The following ANAPC1 variants were observed in gnomAD, a reference collection of about 807,000 sequenced individuals.
The protein encoded by ANAPC1 is anaphase promoting complex subunit 1.
In ANAPC1, 36 loss-of-function variants were observed where a neutral mutation model predicts 208.0. The observed-to-expected ratio is 0.17, with a 90% confidence interval of 0.13 to 0.23. ANAPC1 has a LOEUF of 0.23. Among genes scored for constraint, ANAPC1 ranks in the 10% least tolerant of loss-of-function variants. The probability of loss-of-function intolerance (pLI) is 1.00; values close to 1 mark genes in which losing one functional copy is unlikely to be tolerated. For missense variants in ANAPC1, 942 were observed against 2,011.6 expected (o/e 0.47, Z 10.17); for synonymous variants, 378 against 695.2 (o/e 0.54, Z 7.18).
intron 34 of ANAPC1, among the ~76,000 whole-genome samples, chr2:111,799,500 T>A (rs1290439441): frequency 6.6e-6 from 1 of 151,608 alleles, no homozygotes; most frequent in East Asian, 1.9e-4. Context: ...AATCCGAAAA[T>A]CCAAAATCCA....
intron 46 of ANAPC1, among the ~76,000 whole-genome samples, chr2:111,775,797 A>G (rs2104471806): frequency 6.6e-6 from 1 of 152,348 alleles, no homozygotes; most frequent in Admixed American, 6.5e-5. Flanking sequence ...TGTTAAATTG[A>G]ATAAAAACGA....
chr2:111,874,236 GT>G lies in ANAPC1; in HGVS notation c.376-573del, dbSNP rs754841383. Among the ~76,000 whole-genome samples the G allele has an allele frequency of 3.1e-3, 466 of 151,232 alleles. 1 individual carries two copies. Among genetic ancestry groups the G allele is most frequent in the African/African-American group, 0.011 (436 of 41,252 alleles). Reference sequence around the variant, plus strand: ...CACTTATTATTTAACAGCATTTTGTGTTTTTTTTTAAACTGTGGTCAAATAC... The same window carrying G: ...CACTTATTATTTAACAGCATTTTGTGTTTTTTTTAAACTGTGGTCAAATAC... On this transcript the variant is annotated intron_variant, in intron 3 of 47. Coordinates refer to ENST00000341068, the MANE Select transcript of ANAPC1 (RefSeq NM_022662.4).
intron 18 of ANAPC1, among the ~76,000 whole-genome samples, chr2:111,836,967 C>CA (rs35164122): frequency 0.6 from 81,379 of 135,060 alleles, 24,048 homozygotes; most frequent in Middle Eastern, 0.72. Context: ...GACTCCGTCT[C>CA]AAAAAAAAAA....
At chr2:111,777,096 G>C (rs1489403216) in intron 45 of ANAPC1, 39 bp from the exon 46 acceptor site, 1 of 480,900 alleles carries the variant, frequency 2.1e-6, no homozygotes, top group East Asian at 3.8e-5. Flanking sequence ...TTTAATCAAA[G>C]AGTGCTCTGT....
rs1275570328 is a variant in ANAPC1, at chr2:111,835,698, G to A, written c.2116-826C>T. Among the ~76,000 whole-genome samples the A allele has an allele frequency of 3.9e-5, 6 of 152,036 alleles. No individual in the cohort carries two copies. The East Asian group carries it at 7.7e-4, about 20-fold the overall frequency. On this transcript the variant is annotated intron_variant, in intron 18 of 47. Transcript: ENST00000341068. ...CTAAAAAAATACAAAAAAATTAGCC[G>A]GGTGTGGTGGCGGGCGCCTGTTAGT...
At chr2:111,787,514 G>T (rs2104512041) in intron 39 of ANAPC1, among the ~76,000 whole-genome samples, 1 of 152,172 alleles carries the variant, frequency 6.6e-6, no homozygotes, top group Admixed American at 6.5e-5. Flanking sequence ...ACAATAAAGG[G>T]CTCTTGACCT....
At chr2:111,843,058 T>C (rs1464437201) in intron 17 of ANAPC1, among the ~76,000 whole-genome samples, 1 of 152,200 alleles carries the variant, frequency 6.6e-6, no homozygotes, top group Non-Finnish European at 1.5e-5. Context: ...AGTCTAGTCA[T>C]AGTTGTTAAA....
At position 111,864,968 on chromosome 2, in the gene ANAPC1, A is replaced by G. The variant is rs1355087971; in HGVS notation, c.686-17T>C. 2 of 1,604,286 alleles carry G rather than the reference A, an allele frequency of 1.2e-6. No individual in the cohort carries two copies. Among genetic ancestry groups the G allele is most frequent in the African/African-American group, 2.7e-5 (2 of 74,382 alleles). ...CAAAAAGACCTTAAAAATAAAATAG[A>G]AAAATCAGGTATAGAACAATGGGCT... On this transcript the variant is annotated splice_polypyrimidine_tract_variant and intron_variant, in intron 7 of 47. Coordinates refer to ENST00000341068, the MANE Select transcript of ANAPC1 (RefSeq NM_022662.4).
chr2:111,823,578 TCAAA>T (rs1302516775), intron 24 of ANAPC1, among the ~76,000 whole-genome samples: 1 of 152,116 alleles, frequency 6.6e-6, no homozygotes, highest in African/African-American at 2.4e-5. Context: ...TATGATATGT[TCAAA>T]CAAAGTAATC....
In ANAPC1 at chr2:111,863,780, G is replaced by C. The variant is rs13028389; in HGVS notation, c.947C>G (p.Thr316Ser). 7 of 1,614,006 alleles carry C rather than the reference G, an allele frequency of 4.3e-6. No individual in the cohort carries two copies. The East Asian group carries it at 6.7e-5, about 15-fold the overall frequency. ...RSLSKGDSPV[T>S]SPFQNYSSIH... ...GGAGGAGTAATTCTGGAAAGGTGAA[G>C]TCACAGGGGAATCTCCTTTGGAGAG... The change falls in exon 9 of 48, where the codon ACT becomes AGT. Residue 316 changes from threonine (T) to serine (S), a missense_variant. Coordinates refer to ENST00000341068, the MANE Select transcript of ANAPC1 (RefSeq NM_022662.4).
At chr2:111,846,559 A>ATTTTTTTTTT (rs775041785) in intron 16 of ANAPC1, among the ~76,000 whole-genome samples, 2 of 46,266 alleles carry the variant, frequency 4.3e-5, no homozygotes, top group Non-Finnish European at 7.7e-5. Context: ...ATATATATAT[A>ATTTTTTTTTT]TTTTTTTTTT....
At chr2:111,873,745 A>G in intron 3 of ANAPC1, 81 bp from the exon 4 acceptor site, 1 of 1,431,926 alleles carries the variant, frequency 7.0e-7, no homozygotes, top group Non-Finnish European at 9.3e-7. Context: ...AAATAATAAT[A>G]ATAGCATCTA....
Position 111,878,857 on chromosome 2 carries a change from C to A in ANAPC1, c.328G>T (p.Ala110Ser). 1.9e-6 allele frequency: 3 copies of A among 1,607,826 alleles called. No individual in the cohort carries two copies. Among genetic ancestry groups the A allele is most frequent in the Non-Finnish European group, 2.5e-6 (3 of 1,177,894 alleles). The change falls in exon 3 of 48, where the codon GCA becomes TCA. Residue 110 changes from alanine (A) to serine (S), a missense_variant. Coordinates refer to ENST00000341068, the MANE Select transcript of ANAPC1 (RefSeq NM_022662.4). Reference protein sequence around the residue: ...VIWSKGSKSQALAVYKAFTVD... With the variant: ...VIWSKGSKSQSLAVYKAFTVD... Reference sequence around the variant, plus strand: ...GTAAATGCTTTATAAACTGCCAATGCCTGGCTTTTACTTCCTTTGCTCCAT... The same window carrying A: ...GTAAATGCTTTATAAACTGCCAATGACTGGCTTTTACTTCCTTTGCTCCAT...
intron 1 of ANAPC1, among the ~76,000 whole-genome samples, chr2:111,881,203 G>A (rs2104618070): frequency 6.6e-6 from 1 of 152,146 alleles, no homozygotes; most frequent in South Asian, 2.1e-4. Context: ...TAACTACATG[G>A]CTTTTCAACA....
At chr2:111,865,406 A>T in intron 7 of ANAPC1, among the ~76,000 whole-genome samples, 1 of 152,072 alleles carries the variant, frequency 6.6e-6, no homozygotes. Context: ...CTGCTTTACT[A>T]GTTACACATG....
At chr2:111,783,323 A>G (rs1677382092) in intron 42 of ANAPC1, among the ~76,000 whole-genome samples, 1 of 152,186 alleles carries the variant, frequency 6.6e-6, no homozygotes, top group East Asian at 1.9e-4. Flanking sequence ...GGGTGACTGG[A>G]TCATGGGGGC....
rs1185966613 is a variant in ANAPC1 at position 111,858,464 on chromosome 2, ATT to A, written c.1263-65_1263-64del. 56 of 1,439,408 alleles carry A rather than the reference ATT, an allele frequency of 3.9e-5. No individual in the cohort carries two copies. In the African/African-American group the frequency reaches 6.5e-4, roughly 17 times the overall value. 89.2% of individuals were successfully genotyped at this position (1,439,408 alleles called of 1,614,324 possible). On this transcript the variant is annotated intron_variant, in intron 10 of 47. Transcript: ENST00000341068. ...GGTCCAAGAATCTACCACAGTAACT[ATT>A]AAAAGTCTTTGAGGCCGGGCGCGGT...
At chr2:111,795,412 A>C (rs1334386627) in intron 34 of ANAPC1, among the ~76,000 whole-genome samples, 1 of 149,212 alleles carries the variant, frequency 6.7e-6, no homozygotes, top group Non-Finnish European at 1.5e-5. Flanking sequence ...TAATAATTAA[A>C]TAGGGCTGAA....
At position 111,849,229 on chromosome 2, in the gene ANAPC1, C is replaced by T. The variant is rs371062405; in HGVS notation, c.1651-1364G>A. 2.4e-4 allele frequency among the ~76,000 whole-genome samples: 37 copies of T among 152,320 alleles called. 1 individual carries two copies. Among genetic ancestry groups the T allele is most frequent in the African/African-American group, 8.7e-4 (36 of 41,570 alleles). On this transcript the variant is annotated intron_variant, in intron 14 of 47. Transcript: ENST00000341068. The stretch of plus-strand genomic sequence containing the variant: ...GAGAAGTGGAAAAGCCATCAATCAG[C>T]CAATGTGTTAAGACTATCATTTCCA...
Sources: allele counts gnomAD v4.1 joint callset (sites outside exome capture counted in the v4.1 genomes callset), GRCh38; gene constraint gnomAD v4.1.1; transcripts MANE v1.5; gene names NCBI Gene and HGNC (gene_info 2026-07-23, HGNC 2026-07-21).